The following FGF12 variants were observed in gnomAD, a reference collection of about 807,000 sequenced individuals.
The protein encoded by FGF12 is fibroblast growth factor 12B.
Under a neutral mutation model 23.6 loss-of-function variants are expected in FGF12, and 14 were observed. The ratio of observed to expected loss-of-function variants is 0.59; its 90% CI spans 0.39 to 0.93. The LOEUF (loss-of-function observed/expected upper bound fraction) is 0.93, where lower values mean the gene tolerates loss of function less well. Among genes scored for constraint, FGF12 ranks in the 40% least tolerant of loss-of-function variants. The pLI, the probability that FGF12 is intolerant of heterozygous loss-of-function variation, is 0.00. For synonymous variants in FGF12, 62 were observed against 77.3 expected (o/e 0.80, Z 1.04); for missense variants, 175 against 217.8 (o/e 0.80, Z 1.24).
At chr3:192,380,020 T>A (rs1335150240) in intron 2 of FGF12, among the ~76,000 whole-genome samples, 1 of 152,178 alleles carries the variant, frequency 6.6e-6, no homozygotes, top group Non-Finnish European at 1.5e-5. Context: ...CATAACACAC[T>A]TTTTATAGCT....
chr3:192,294,155 C>G (rs1178783125), intron 4 of FGF12, among the ~76,000 whole-genome samples: 1 of 152,124 alleles, frequency 6.6e-6, no homozygotes, highest in Non-Finnish European at 1.5e-5. Flanking sequence ...GGACTTGTTC[C>G]TCCTTGCCTT....
At chr3:192,556,549 A>T (rs1329910793) in intron 2 of FGF12, among the ~76,000 whole-genome samples, 1 of 152,170 alleles carries the variant, frequency 6.6e-6, no homozygotes, top group Non-Finnish European at 1.5e-5. Flanking sequence ...TGAAGGGAGA[A>T]ATGGACAGTA....
chr3:192,239,333 T>C (rs1308525235), intron 4 of FGF12, among the ~76,000 whole-genome samples: 1 of 152,246 alleles, frequency 6.6e-6, no homozygotes. Flanking sequence ...AGATTTGTTT[T>C]TCCATTAAAG....
At chr3:192,635,845 T>C (rs2108660112) in intron 2 of FGF12, among the ~76,000 whole-genome samples, 1 of 152,306 alleles carries the variant, frequency 6.6e-6, no homozygotes, top group East Asian at 1.9e-4. Flanking sequence ...GATTCTCTTT[T>C]AATTGATGGA....
chr3:192,230,724 T>A (rs1020425665), intron 4 of FGF12, among the ~76,000 whole-genome samples: 6 of 152,156 alleles, frequency 3.9e-5, no homozygotes, highest in Admixed American at 1.3e-4. Flanking sequence ...ATTCTTTTTT[T>A]TAATCTCTTT....
At chr3:192,417,462 T>A (rs1400300448) in intron 2 of FGF12, among the ~76,000 whole-genome samples, 1 of 152,090 alleles carries the variant, frequency 6.6e-6, no homozygotes, top group Non-Finnish European at 1.5e-5. Context: ...AAGAACGTAG[T>A]ATAGTGTTTG....
chr3:192,487,846 T>G (rs1723680433), intron 2 of FGF12, among the ~76,000 whole-genome samples: 1 of 152,114 alleles, frequency 6.6e-6, no homozygotes, highest in South Asian at 2.1e-4. Flanking sequence ...GTAAGGGTAT[T>G]AGGTCGGGAA....
intron 2 of FGF12, among the ~76,000 whole-genome samples, chr3:192,501,277 ACTT>A (rs1197537652): frequency 6.6e-6 from 1 of 152,190 alleles, no homozygotes; most frequent in African/African-American, 2.4e-5. Context: ...CTAATATTTA[ACTT>A]CTTCATTTAA....
At chr3:192,306,882 TTA>T (rs1261591841) in intron 4 of FGF12, among the ~76,000 whole-genome samples, 2 of 152,210 alleles carry the variant, frequency 1.3e-5, no homozygotes, top group Non-Finnish European at 2.9e-5. Context: ...ACCCAATAAT[TTA>T]TGTTTCCTTC....
chr3:192,546,129 A>G (rs938040823), intron 2 of FGF12, among the ~76,000 whole-genome samples: 1 of 152,218 alleles, frequency 6.6e-6, no homozygotes, highest in Non-Finnish European at 1.5e-5. Flanking sequence ...CTTTGATTCA[A>G]ATCCTGGTTC....
At chr3:192,507,726 A>T (rs1009819046) in intron 2 of FGF12, among the ~76,000 whole-genome samples, 1 of 152,224 alleles carries the variant, frequency 6.6e-6, no homozygotes, top group Non-Finnish European at 1.5e-5. Flanking sequence ...ATTACTGCCC[A>T]GAATTCCTGA....
chr3:192,475,327 C>T (rs999747926), intron 2 of FGF12, among the ~76,000 whole-genome samples: 6 of 152,086 alleles, frequency 3.9e-5, no homozygotes, highest in East Asian at 1.9e-4. Context: ...CCAGAGCTTC[C>T]GCCCATATCC....
At chr3:192,334,680 T>C (rs1335080141) in intron 4 of FGF12, among the ~76,000 whole-genome samples, 2 of 152,098 alleles carry the variant, frequency 1.3e-5, no homozygotes, top group African/African-American at 4.8e-5. Context: ...TTTTGCCAGT[T>C]TGGGATTTGA....
intron 2 of FGF12, among the ~76,000 whole-genome samples, chr3:192,526,708 T>C (rs138125486): frequency 3.3e-5 from 5 of 152,314 alleles, no homozygotes; most frequent in African/African-American, 1.2e-4. Context: ...TCAATAAATA[T>C]CTGCTGAATT....
intron 5 of FGF12, among the ~76,000 whole-genome samples, chr3:192,159,029 A>C (rs943324315): frequency 3.3e-5 from 5 of 152,070 alleles, no homozygotes; most frequent in African/African-American, 1.2e-4. Context: ...TGAATGTATG[A>C]AATAGCTTTA....
intron 4 of FGF12, among the ~76,000 whole-genome samples, chr3:192,180,861 G>A (rs1036205543): frequency 2.0e-5 from 3 of 152,144 alleles, no homozygotes; most frequent in African/African-American, 7.2e-5. Context: ...ATACACAGGA[G>A]GTAAGCACTG....
intron 4 of FGF12, among the ~76,000 whole-genome samples, chr3:192,191,471 G>A (rs954394818): frequency 6.6e-6 from 1 of 152,158 alleles, no homozygotes; most frequent in African/African-American, 2.4e-5. Context: ...ATGCATGTGT[G>A]TTTCAGGGAG....
intron 2 of FGF12, among the ~76,000 whole-genome samples, chr3:192,566,262 T>A (rs1262176820): frequency 6.6e-6 from 1 of 152,206 alleles, no homozygotes; most frequent in Non-Finnish European, 1.5e-5. Flanking sequence ...GAATCTGGCC[T>A]CAGACTTTAC....
intron 4 of FGF12, among the ~76,000 whole-genome samples, chr3:192,305,203 C>G (rs533818434): frequency 6.6e-6 from 1 of 152,188 alleles, no homozygotes; most frequent in African/African-American, 2.4e-5. Context: ...TTTTCAGATA[C>G]AGTATAACAC....
Sources: allele counts gnomAD v4.1 joint callset (sites outside exome capture counted in the v4.1 genomes callset), GRCh38; gene constraint gnomAD v4.1.1; transcripts MANE v1.5; gene names NCBI Gene and HGNC (gene_info 2026-07-23, HGNC 2026-07-21).